PDC: variants seen among roughly 807,000 people sequenced by gnomAD.
PDC encodes phosducin.
Under a neutral mutation model 22.2 loss-of-function variants are expected in PDC, and 19 were observed. The observed-to-expected ratio is 0.86, with a 90% confidence interval of 0.60 to 1.26. PDC has a LOEUF of 1.26. Ranked by LOEUF, PDC falls within the 50% of genes most tolerant of loss-of-function variation. The pLI, the probability that PDC is intolerant of heterozygous loss-of-function variation, is 0.00. For missense variants in PDC, 274 were observed against 286.8 expected (o/e 0.96, Z 0.32); for synonymous variants, 97 against 96.2 (o/e 1.01, Z -0.05).
At chr1:186,456,964 T>C (rs1662485389) in intron 1 of PDC, among the ~76,000 whole-genome samples, 1 of 152,214 alleles carries the variant, frequency 6.6e-6, no homozygotes, top group Non-Finnish European at 1.5e-5. Flanking sequence ...CTTCATTCTA[T>C]TGCTAGAAAT....
chr1:186,451,559 A>C (rs1414033295), intron 1 of PDC: 1 of 152,130 alleles, frequency 6.6e-6, no homozygotes, highest in African/African-American at 2.4e-5. Flanking sequence ...CTGGATTGTT[A>C]ATTTGGGGTA....
At chr1:186,455,994 A>AATATATATATAT (rs71104863) in intron 1 of PDC, among the ~76,000 whole-genome samples, 5 of 77,092 alleles carry the variant, frequency 6.5e-5, no homozygotes, top group African/African-American at 3.5e-4. Flanking sequence ...AAAAAAAAAA[A>AATATATATATAT]ATATATATAT....
chr1:186,449,608 C>T (rs1662308430), intron 1 of PDC, 125 bp from the exon 2 acceptor site: 1 of 477,094 alleles, frequency 2.1e-6, no homozygotes, highest in African/African-American at 1.9e-5. Flanking sequence ...CATAAGTAGG[C>T]TAAGGATAAT....
At chr1:186,450,328 A>AT (rs995637876) in intron 1 of PDC, among the ~76,000 whole-genome samples, 58 of 147,762 alleles carry the variant, frequency 3.9e-4, no homozygotes, top group Middle Eastern at 3.5e-3. Context: ...AGCCTATAGT[A>AT]TTTTTTTTTT....
intron 2 of PDC, among the ~76,000 whole-genome samples, chr1:186,449,128 G>A (rs1662295426): frequency 6.6e-6 from 1 of 152,066 alleles, no homozygotes; most frequent in African/African-American, 2.4e-5. Flanking sequence ...CTTAATTATA[G>A]TGTAGATAAG....
chr1:186,452,455 C>G (rs1662372614), intron 1 of PDC, among the ~76,000 whole-genome samples: 1 of 152,094 alleles, frequency 6.6e-6, no homozygotes, highest in African/African-American at 2.4e-5. Flanking sequence ...CCAGGCTGGT[C>G]TCGATCGCCT....
chr1:186,455,252 CGGTG>C (rs943289080), intron 1 of PDC, among the ~76,000 whole-genome samples: 2 of 152,104 alleles, frequency 1.3e-5, no homozygotes, highest in African/African-American at 4.8e-5. Context: ...GTTAGCTCCC[CGGTG>C]TCTTTTCTTG....
chr1:186,459,079 T>C (rs1662526555), intron 1 of PDC, among the ~76,000 whole-genome samples: 1 of 152,148 alleles, frequency 6.6e-6, no homozygotes. Flanking sequence ...GGAGAATCGC[T>C]TGAACCTGGG....
chr1:186,453,043 A>T (rs1043295999), intron 1 of PDC, among the ~76,000 whole-genome samples: 6 of 152,196 alleles, frequency 3.9e-5, no homozygotes, highest in Non-Finnish European at 8.8e-5. Flanking sequence ...CCCTCTTCGA[A>T]AGTAATAGTA....
At chr1:186,456,225 A>G (rs1662468726) in intron 1 of PDC, among the ~76,000 whole-genome samples, 1 of 151,852 alleles carries the variant, frequency 6.6e-6, no homozygotes, top group Non-Finnish European at 1.5e-5. Context: ...ACTTTAGTCC[A>G]GGTCAGATCA....
chr1:186,446,853 G>A (rs1662241570), intron 2 of PDC, among the ~76,000 whole-genome samples: 1 of 151,976 alleles, frequency 6.6e-6, no homozygotes, highest in South Asian at 2.1e-4. Context: ...CAAAAGGTTG[G>A]GGTTAATATA....
rs1662515331 is a variant in PDC, at chr1:186,458,489, C to T, written c.-25+2570G>A. The stretch of plus-strand genomic sequence containing the variant: ...GTGGGAGCCACAGAAGCCACTCCAC[C>T]ACACTTTTAAGTCATTTCATTAGAG... On this transcript the variant is annotated intron_variant, in intron 1 of 3. Transcript: ENST00000391997. Among the ~76,000 whole-genome samples the T allele has an allele frequency of 3.3e-5, 5 of 150,352 alleles. 1 individual carries two copies. The South Asian group carries it at 1.0e-3, about 32-fold the overall frequency.
rs1571718537 is a variant in PDC at position 186,444,153 on chromosome 1, C to A, written c.567G>T (p.Leu189=). 1.2e-6 allele frequency: 2 copies of A among 1,613,868 alleles called. No individual in the cohort carries two copies. Among genetic ancestry groups the A allele is most frequent in the Non-Finnish European group, 1.7e-6 (2 of 1,179,798 alleles). ...DRFSLDVLPT[L]LIYKGGELIS... ...TGAGTTCCCCACCTTTATAGATGAG[C>A]AGTGTAGGAAGTACATCTAAGGAAA... is the stretch of plus-strand genomic sequence containing the variant. Residue 189 remains leucine (L), a synonymous_variant, in exon 4 of 4, where the codon CTG becomes CTT. Transcript: ENST00000391997.
Position 186,444,334 on chromosome 1 carries a change from T to G in PDC, c.386A>C (p.Lys129Thr), listed in dbSNP as rs751418186. The G allele has an allele frequency of 2.3e-5, 37 of 1,613,862 alleles. 1 individual carries two copies. The South Asian group carries it at 4.0e-4, about 17-fold the overall frequency. ...AACAATTGTGGTGATCTTCAGTTCC[T>G]TTTCAATTGTTTCTAGGAATTGCTT... ...TGKQFLETIE[K>T]ELKITTIVVH... The change falls in exon 4 of 4, where the codon AAG becomes ACG. Residue 129 changes from lysine to threonine, a missense_variant. Physicochemically the swap from Lys to Thr is moderately conservative, Grantham distance 78. Transcript: ENST00000391997.
intron 1 of PDC, among the ~76,000 whole-genome samples, chr1:186,457,078 C>T (rs1385121315): frequency 6.6e-6 from 1 of 152,176 alleles, no homozygotes; most frequent in Non-Finnish European, 1.5e-5. Flanking sequence ...AACCATACAT[C>T]TCCTTAGGTC....
intron 1 of PDC, among the ~76,000 whole-genome samples, chr1:186,457,167 A>G (rs574028065): frequency 6.6e-6 from 1 of 152,324 alleles, no homozygotes; most frequent in East Asian, 1.9e-4. Context: ...CAATACAGAC[A>G]CATTAATATG....
intron 2 of PDC, chr1:186,448,776 CA>C: frequency 3.6e-6 from 1 of 275,758 alleles, no homozygotes; most frequent in Non-Finnish European, 5.5e-6. Flanking sequence ...TTTAATGGCT[CA>C]ATCCAAATTA....
chr1:186,460,347 A>G (rs1662558335), intron 1 of PDC, among the ~76,000 whole-genome samples: 1 of 152,202 alleles, frequency 6.6e-6, no homozygotes, highest in South Asian at 2.1e-4. Context: ...ATCTCTTTGT[A>G]TACCATATCC....
chr1:186,443,842 C>T lies in PDC; in HGVS notation c.*137G>A, dbSNP rs919177677. The T allele has an allele frequency of 6.1e-6, 4 of 657,082 alleles. No homozygotes were observed. The highest frequency in any genetic ancestry group is 1.8e-5 in the African/African-American group (1 of 55,478). 40.7% of individuals were successfully genotyped at this position (657,082 alleles called of 1,614,324 possible). A position where few individuals can be genotyped will look rare whatever the true frequency, so the allele number is the denominator to read the frequency against. On this transcript the variant is annotated 3_prime_UTR_variant, in exon 4 of 4. Transcript: ENST00000391997. Reference sequence around the variant, plus strand: ...CTAATACTAAGAAATGCTAATAACTCGATTGTTGCATCAGTCATTTTTGTC... The same window carrying T: ...CTAATACTAAGAAATGCTAATAACTTGATTGTTGCATCAGTCATTTTTGTC...
Sources: gnomAD v4.1 joint callset for allele counts (sites outside exome capture counted in the v4.1 genomes callset) on GRCh38, gnomAD v4.1.1 for gene constraint, MANE v1.5 for transcripts, NCBI Gene and HGNC (gene_info 2026-07-23, HGNC 2026-07-21) for gene names.